Variants in EDC4 observed in about 807,000 individuals in gnomAD.
The protein encoded by EDC4 is enhancer of mRNA-decapping protein 4.
In EDC4, 64 loss-of-function variants were observed where a neutral mutation model predicts 155.8. The observed-to-expected ratio is 0.41, with a 90% CI of 0.34 to 0.51. The LOEUF (loss-of-function observed/expected upper bound fraction) is 0.51. Among genes scored for constraint, EDC4 ranks in the 20% least tolerant of loss-of-function variants. EDC4 has a pLI of 0.19. For missense variants in EDC4, 1,303 were observed against 1,812.5 expected (o/e 0.72, Z 5.10); for synonymous variants, 684 against 716.8 (o/e 0.95, Z 0.73).
rs1412850528 is a variant in EDC4, at chr16:67,883,035, C to T, written c.3707C>T (p.Ala1236Val). Residue 1236 changes from alanine (A) to valine (V), a missense_variant, in exon 27 of 29, where the codon GCC becomes GTC. Transcript: ENST00000358933. The surrounding 1 kb of genome is among the most constrained non-coding windows in gnomAD (Gnocchi z 5.3). ...EVSVALKEQQ[A>V]AVTSSIMQAM... is the part of the protein sequence containing the mutation. ...AGTGTGGCGCTCAAGGAGCAGCAGG[C>T]CGCCGTCACCTCCAGCATCATGCAG... is the stretch of plus-strand genomic sequence containing the variant. The T allele has an allele frequency of 1.2e-6, 2 of 1,613,886 alleles. No individual in the cohort carries two copies. Among genetic ancestry groups the T allele is most frequent in the East Asian group, 2.2e-5 (1 of 44,880 alleles).
rs761246369 is a variant in EDC4 at position 67,879,602 on chromosome 16, G to C, written c.1649G>C (p.Arg550Pro). ...AHEDFTFGES[R>P]PELGSEGLGS... ...TGCCCTGCAGCATTTGGAGAGTCTC[G>C]GCCCGAACTGGGCTCTGAGGGCCTG... Residue 550 changes from arginine (R) to proline (P), a missense_variant, in exon 15 of 29, where the codon CGG (arginine) becomes CCG (proline). Coordinates refer to ENST00000358933, the MANE Select transcript of EDC4 (RefSeq NM_014329.5). This position sits in a 1 kb window ranked among gnomAD's most constrained non-coding sequence, Gnocchi z 6.0. The C allele has an allele frequency of 2.5e-6, 4 of 1,614,002 alleles. No individual in the cohort carries two copies. In the African/African-American group the frequency reaches 5.3e-5, roughly 22 times the overall value.
chr16:67,880,810 G>A lies in EDC4; in HGVS notation c.2351G>A (p.Arg784Gln), dbSNP rs1035326447. The stretch of plus-strand genomic sequence containing the variant: ...CTGCACCTGCTGTCCCCACGGCCCC[G>A]GCCAGGGCCCGAGCTCGGCCCCCAG... ...SALHLLSPRPRPGPELGPQLG... is the reference protein window; with the variant it reads ...SALHLLSPRPQPGPELGPQLG... The change falls in exon 18 of 29, where the codon CGG becomes CAG. Residue 784 changes from arginine (R) to glutamine (Q), a missense_variant. By Grantham distance (43) the Arg-to-Gln change is conservative (BLOSUM62 1). Around this residue, in one of 5 missense-constraint regions of EDC4, gnomAD observed 391 missense variants for 445.4 expected, o/e 0.88. Transcript: ENST00000358933. This position sits in a 1 kb window ranked among gnomAD's most constrained non-coding sequence, Gnocchi z 5.2. 6.2e-6 allele frequency: 10 copies of A among 1,613,784 alleles called. No individual in the cohort carries two copies. Among genetic ancestry groups the A allele is most frequent in the South Asian group, 2.2e-5 (2 of 91,084 alleles).
Position 67,878,001 on chromosome 16 carries a change from T to C in EDC4, c.894+156T>C, listed in dbSNP as rs2058049081. The C allele has an allele frequency of 2.0e-6, 3 of 1,480,082 alleles. No homozygotes were observed. The South Asian group carries it at 3.9e-5, about 19-fold the overall frequency. The allele number at this position is 1,480,082 out of a possible 1,614,324, so 91.7% of individuals were successfully genotyped here. A position where few individuals can be genotyped will look rare whatever the true frequency, so the allele number is the denominator to read the frequency against. On this transcript the variant is annotated intron_variant, in intron 7 of 28. Coordinates refer to ENST00000358933, the MANE Select transcript of EDC4 (RefSeq NM_014329.5). This position sits in a 1 kb window ranked among gnomAD's most constrained non-coding sequence, Gnocchi z 5.2. ...CCTCACCTGTGCAGCTTTCTCCTTA[T>C]CTAGCAGCACCCTGCAGGTCTGGCC... is the stretch of plus-strand genomic sequence containing the variant.
rs772903045 is a variant in EDC4 at position 67,878,502 on chromosome 16, C to T, written c.1089-34C>T. 2.5e-6 allele frequency: 4 copies of T among 1,614,196 alleles called. No homozygotes were observed. The highest frequency in any genetic ancestry group is 1.1e-5 in the South Asian group (1 of 91,086). On this transcript the variant is annotated intron_variant, in intron 9 of 28. Transcript: ENST00000358933. This position sits in a 1 kb window ranked among gnomAD's most constrained non-coding sequence, Gnocchi z 5.2. ...TGGACCATGGCTCCCAGCAGGGGCC[C>T]CAGCCAGTCACTCACTGCCTTGTTG... is the stretch of plus-strand genomic sequence containing the variant.
intron 1 of EDC4, 25 bp downstream of exon 1, chr16:67,873,368 C>T: frequency 1.4e-6 from 2 of 1,420,864 alleles, no homozygotes; most frequent in East Asian, 3.0e-5. Flanking sequence ...CGGGGGTGGG[C>T]CCCAGGCGAG....
In EDC4 at chr16:67,881,030, G is replaced by A; in HGVS notation, c.2531+40G>A. On this transcript the variant is annotated intron_variant, in intron 18 of 28. Transcript: ENST00000358933. This position sits in a 1 kb window ranked among gnomAD's most constrained non-coding sequence, Gnocchi z 5.4. ...AGGGGAAAAGTGTGCTAGCAGGAGG[G>A]GCTTCAGATAGATTCATCCATGGCT... The A allele has an allele frequency of 6.2e-7, 1 of 1,613,878 alleles. No homozygotes were observed. The highest frequency in any genetic ancestry group is 8.5e-7 in the Non-Finnish European group (1 of 1,179,976).
At position 67,877,468 on chromosome 16, in the gene EDC4, G is replaced by A. The variant is rs748811671; in HGVS notation, c.642-41G>A. On this transcript the variant is annotated intron_variant, in intron 5 of 28. Transcript: ENST00000358933. This position sits in a 1 kb window ranked among gnomAD's most constrained non-coding sequence, Gnocchi z 4.9. Reference sequence around the variant, plus strand: ...AGGGTGGGCGGAGCTGGGGTGTCACGCCTCTTCATTCATCTATCTAGCCCT... The same window carrying A: ...AGGGTGGGCGGAGCTGGGGTGTCACACCTCTTCATTCATCTATCTAGCCCT... 31 of 1,611,812 alleles carry A rather than the reference G, an allele frequency of 1.9e-5. No individual in the cohort carries two copies. The highest frequency in any genetic ancestry group is 6.6e-5 in the South Asian group (6 of 91,034).
Position 67,879,616 on chromosome 16 carries a change from T to C in EDC4, c.1663T>C (p.Ser555Pro), listed in dbSNP as rs777010191. 3 of 1,614,174 alleles carry C rather than the reference T, an allele frequency of 1.9e-6. No homozygotes were observed. The highest frequency in any genetic ancestry group is 2.7e-5 in the African/African-American group (2 of 75,052). Residue 555 changes from serine (S) to proline (P), a missense_variant, in exon 15 of 29, where the codon TCT becomes CCT. Physicochemically the swap from Ser to Pro is moderately conservative, Grantham distance 74. This residue lies in a region of EDC4 where 391 missense variants were observed against 445.4 expected (regional missense o/e 0.88). Transcript: ENST00000358933. This position sits in a 1 kb window ranked among gnomAD's most constrained non-coding sequence, Gnocchi z 6.0. ...TFGESRPELG[S>P]EGLGSAAHGS... ...TGGAGAGTCTCGGCCCGAACTGGGC[T>C]CTGAGGGCCTGGGGTCAGCCGCTCA...
At position 67,884,108 on chromosome 16, in the gene EDC4, G is replaced by A; in HGVS notation, c.4166G>A (p.Ser1389Asn). ...CTTGGCAAAGCAGCTCGGCGTCTCA[G>A]CCTCATGCTGCATGGCCTCGTGACC... ...NSLGKAARRL[S>N]LMLHGLVTPS... is the part of the protein sequence containing the mutation. The change falls in exon 29 of 29, where the codon AGC (serine) becomes AAC (asparagine). Residue 1389 changes from serine to asparagine, a missense_variant. This residue lies in a region of EDC4 where 527 missense variants were observed against 757.0 expected (regional missense o/e 0.70). Transcript: ENST00000358933. This position sits in a 1 kb window ranked among gnomAD's most constrained non-coding sequence, Gnocchi z 4.1. 1 of 1,613,644 alleles carries A rather than the reference G, an allele frequency of 6.2e-7. No homozygotes were observed. Among genetic ancestry groups the A allele is most frequent in the Non-Finnish European group, 8.5e-7 (1 of 1,179,780 alleles).
Position 67,882,507 on chromosome 16 carries a change from C to A in EDC4, c.3355C>A (p.Gln1119Lys). 1 of 1,614,218 alleles carries A rather than the reference C, an allele frequency of 6.2e-7. No homozygotes were observed. Reference sequence around the variant, plus strand: ...GCAGGCTGCCTACCGGGAAGCCTTCCAGAGTGTGGTGCTGCCGGCCTTTGA... The same window carrying A: ...GCAGGCTGCCTACCGGGAAGCCTTCAAGAGTGTGGTGCTGCCGGCCTTTGA... ...PMQAAYREAF[Q>K]SVVLPAFEKS... Residue 1119 changes from glutamine (Q) to lysine (K), a missense_variant, in exon 25 of 29, where the codon CAG (glutamine) becomes AAG (lysine). Gln to Lys is a moderately conservative substitution (Grantham distance 53). Transcript: ENST00000358933. The surrounding 1 kb of genome is among the most constrained non-coding windows in gnomAD (Gnocchi z 7.2).
Position 67,878,177 on chromosome 16 carries a change from A to C in EDC4, c.906A>C (p.Glu302Asp). Residue 302 changes from glutamate to aspartate, a missense_variant, in exon 8 of 29, where the codon GAA (glutamate) becomes GAC (aspartate). This residue lies in a region of EDC4 where 235 missense variants were observed against 367.7 expected (regional missense o/e 0.64). Transcript: ENST00000358933. This position sits in a 1 kb window ranked among gnomAD's most constrained non-coding sequence, Gnocchi z 5.2. Reference sequence around the variant, plus strand: ...TGGGTTCTTTCTAGTGCCTCAGTGAAGGAGCCCTCTCTCCTGATGGGACTG... The same window carrying C: ...TGGGTTCTTTCTAGTGCCTCAGTGACGGAGCCCTCTCTCCTGATGGGACTG... ...VVKGHSTCLS[E>D]GALSPDGTVL... is the part of the protein sequence containing the mutation. 1 of 1,614,176 alleles carries C rather than the reference A, an allele frequency of 6.2e-7. No homozygotes were observed. The highest frequency in any genetic ancestry group is 8.5e-7 in the Non-Finnish European group (1 of 1,180,040).
rs777090280 is a variant in EDC4, at chr16:67,882,741, C to G, written c.3505C>G (p.Pro1169Ala). Reference sequence around the variant, plus strand: ...GGCACGGGAACAGGAGGCCAGGGAGCCTGTGCTAGCCCAGCTGCGGGGCCT... The same window carrying G: ...GGCACGGGAACAGGAGGCCAGGGAGGCTGTGCTAGCCCAGCTGCGGGGCCT... Reference protein sequence around the residue: ...RKAREQEAREPVLAQLRGLVS... With the variant: ...RKAREQEAREAVLAQLRGLVS... Residue 1169 changes from proline (P) to alanine (A), a missense_variant, in exon 26 of 29, where the codon CCT (proline) becomes GCT (alanine). By Grantham distance (27) the Pro-to-Ala change is conservative. Coordinates refer to ENST00000358933, the MANE Select transcript of EDC4 (RefSeq NM_014329.5). The surrounding 1 kb of genome is among the most constrained non-coding windows in gnomAD (Gnocchi z 7.2). 2 of 1,614,246 alleles carry G rather than the reference C, an allele frequency of 1.2e-6. No individual in the cohort carries two copies. The highest frequency in any genetic ancestry group is 1.7e-6 in the Non-Finnish European group (2 of 1,180,042).
rs1368001680 is a variant in EDC4 at position 67,883,779 on chromosome 16, A to G, written c.4013+48A>G. On this transcript the variant is annotated intron_variant, in intron 28 of 28. Coordinates refer to ENST00000358933, the MANE Select transcript of EDC4 (RefSeq NM_014329.5). This position sits in a 1 kb window ranked among gnomAD's most constrained non-coding sequence, Gnocchi z 5.3. ...GGGGAGATGAGCTGGGGAGTGGGGCAGTGGGAGGGAGCAGTTTGAAGCTGA... is the reference window on the plus strand; with the variant it reads ...GGGGAGATGAGCTGGGGAGTGGGGCGGTGGGAGGGAGCAGTTTGAAGCTGA... The G allele has an allele frequency of 1.2e-6, 2 of 1,600,432 alleles. No individual in the cohort carries two copies. Among genetic ancestry groups the G allele is most frequent in the African/African-American group, 2.7e-5 (2 of 74,800 alleles).
chr16:67,880,371 G>A lies in EDC4; in HGVS notation c.2097+155G>A. The A allele has an allele frequency of 2.2e-6, 3 of 1,369,060 alleles. No individual in the cohort carries two copies. Among genetic ancestry groups the A allele is most frequent in the Non-Finnish European group, 3.0e-6 (3 of 1,016,604 alleles). The allele number at this position is 1,369,060 out of a possible 1,614,324, so 84.8% of individuals were successfully genotyped here. A position where few individuals can be genotyped will look rare whatever the true frequency, so the allele number is the denominator to read the frequency against. ...GTCATTTCACCCTCCTGTGTTTCCT[G>A]GTGGGTGTCTCCTCAGCCTCCCTGT... On this transcript the variant is annotated intron_variant, in intron 17 of 28. Transcript: ENST00000358933. This position sits in a 1 kb window ranked among gnomAD's most constrained non-coding sequence, Gnocchi z 5.2.
chr16:67,882,529 T>C lies in EDC4; in HGVS notation c.3377T>C (p.Phe1126Ser). The stretch of plus-strand genomic sequence containing the variant: ...TTCCAGAGTGTGGTGCTGCCGGCCT[T>C]TGAGAAGAGCTGCCAGGCCATGTTC... Reference protein sequence around the residue: ...EAFQSVVLPAFEKSCQAMFQQ... With the variant: ...EAFQSVVLPASEKSCQAMFQQ... The change falls in exon 25 of 29, where the codon TTT (phenylalanine) becomes TCT (serine). Residue 1126 changes from phenylalanine to serine, a missense_variant. By Grantham distance (155) the Phe-to-Ser change is radical (BLOSUM62 -2). Transcript: ENST00000358933. The surrounding 1 kb of genome is among the most constrained non-coding windows in gnomAD (Gnocchi z 7.2). The C allele has an allele frequency of 6.2e-7, 1 of 1,614,146 alleles. No individual in the cohort carries two copies. The highest frequency in any genetic ancestry group is 8.5e-7 in the Non-Finnish European group (1 of 1,180,030).
At position 67,881,479 on chromosome 16, in the gene EDC4, G is replaced by A. The variant is rs1305966310; in HGVS notation, c.2790-18G>A. 3 of 1,614,174 alleles carry A rather than the reference G, an allele frequency of 1.9e-6. No homozygotes were observed. The highest frequency in any genetic ancestry group is 1.3e-5 in the African/African-American group (1 of 75,066). ...TAGGCTGCCTCACATAGCCTGAGGT[G>A]CTTCTCGCCTATGGCAGGGATGCAG... On this transcript the variant is annotated intron_variant, in intron 20 of 28. Coordinates refer to ENST00000358933, the MANE Select transcript of EDC4 (RefSeq NM_014329.5). The surrounding 1 kb of genome is among the most constrained non-coding windows in gnomAD (Gnocchi z 5.4).
At position 67,878,770 on chromosome 16, in the gene EDC4, G is replaced by C. The variant is rs1197080814; in HGVS notation, c.1218G>C (p.Val406=). The C allele has an allele frequency of 6.2e-7, 1 of 1,614,108 alleles. No individual in the cohort carries two copies. The highest frequency in any genetic ancestry group is 1.1e-5 in the South Asian group (1 of 91,080). Residue 406 remains valine, a synonymous_variant, in exon 11 of 29, where the codon GTG becomes GTC. Transcript: ENST00000358933. The surrounding 1 kb of genome is among the most constrained non-coding windows in gnomAD (Gnocchi z 5.2). ...CAGATATCTTCAGCTCAGTGAGTGT[G>C]CCCCCTAGCCTCAAGGTTTGCTTGG... ...FSPDIFSSVS[V]PPSLKVCLDL...
At position 67,873,282 on chromosome 16, in the gene EDC4, C is replaced by A. The variant is rs1369501862; in HGVS notation, c.21C>A (p.Ile7=). The A allele has an allele frequency of 4.8e-6, 7 of 1,473,252 alleles. No individual in the cohort carries two copies. The highest frequency in any genetic ancestry group is 1.3e-5 in the South Asian group (1 of 77,430). The allele number at this position is 1,473,252 out of a possible 1,614,324, so 91.3% of individuals were successfully genotyped here. A position where few individuals can be genotyped will look rare whatever the true frequency, so the allele number is the denominator to read the frequency against. Residue 7 remains isoleucine (I), a synonymous_variant, in exon 1 of 29, where the codon ATC becomes ATA. Coordinates refer to ENST00000358933, the MANE Select transcript of EDC4 (RefSeq NM_014329.5). ...GGCCCATGGCCTCCTGCGCGAGCAT[C>A]GACATCGAGGACGCCACGCAGCACC... The part of the protein sequence containing the change: MASCAS[I]DIEDATQHLR...
In EDC4 at chr16:67,876,072, A is replaced by G; in HGVS notation, c.210A>G (p.Pro70=). ...ACAAGACTGGTCTTCGGACCATGCC[A>G]CCCATTAACCTGCAAGAGAAGCAGG... ...SANKTGLRTM[P]PINLQEKQVI... The change falls in exon 2 of 29, where the codon CCA becomes CCG. Residue 70 remains proline (P), a synonymous_variant. Coordinates refer to ENST00000358933, the MANE Select transcript of EDC4 (RefSeq NM_014329.5). The surrounding 1 kb of genome is among the most constrained non-coding windows in gnomAD (Gnocchi z 5.8). 6.2e-7 allele frequency: 1 copy of G among 1,614,110 alleles called. No homozygotes were observed. Among genetic ancestry groups the G allele is most frequent in the Non-Finnish European group, 8.5e-7 (1 of 1,180,014 alleles).
Sources: gnomAD v4.1 joint callset for allele counts on GRCh38, gnomAD v4.1.1 for gene constraint, gnomAD v4.1.1 regional missense constraint, Gnocchi (gnomAD v3.1) non-coding constraint, MANE v1.5 for transcripts, NCBI Gene and HGNC (gene_info 2026-07-23, HGNC 2026-07-21) for gene names.